The following RARB variants were observed in gnomAD, a reference collection of about 807,000 sequenced individuals.
RARB encodes HBV-activated protein.
A neutral mutation model predicts 51.9 loss-of-function variants in RARB; 17 were observed. That is an observed-to-expected ratio of 0.33 (90% CI 0.22 to 0.49). The LOEUF is 0.49. RARB is among the 20% of genes least tolerant of loss of function. The pLI is 0.99. For synonymous variants in RARB, 215 were observed against 195.4 expected (o/e 1.10, Z -0.84); for missense variants, 369 against 550.8 (o/e 0.67, Z 3.30).
intron 1 of RARB, among the ~76,000 whole-genome samples, chr3:24,839,340 T>TAA (rs1702386829): frequency 6.6e-6 from 1 of 152,076 alleles, no homozygotes; most frequent in Non-Finnish European, 1.5e-5. Flanking sequence ...TTATACTTTT[T>TAA]AGGTTTGGGT....
intron 5 of RARB, among the ~76,000 whole-genome samples, chr3:25,314,144 T>A (rs1215515611): frequency 6.6e-6 from 1 of 152,076 alleles, no homozygotes; most frequent in Non-Finnish European, 1.5e-5. Flanking sequence ...CTCCAAATTT[T>A]AAAAATCAAG....
At chr3:25,002,213 G>A (rs1697175829) in intron 2 of RARB, among the ~76,000 whole-genome samples, 1 of 152,158 alleles carries the variant, frequency 6.6e-6, no homozygotes, top group Admixed American at 6.5e-5. Context: ...AACAGCATGT[G>A]GTAAGGTGTG....
chr3:25,548,101 C>CTTTTTTTTTTTTTTTTTTTTTTTTTTTTT, intron 3 of RARB, among the ~76,000 whole-genome samples: 1 of 126,302 alleles, frequency 7.9e-6, no homozygotes, highest in Admixed American at 7.9e-5. Flanking sequence ...ATTCATTTGG[C>CTTTTTTTTTTTTTTTTTTTTTTTTTTTTT]TTTTTTTTTT....
chr3:24,884,498 TC>T (rs1361917210), intron 2 of RARB, among the ~76,000 whole-genome samples: 1 of 152,142 alleles, frequency 6.6e-6, no homozygotes, highest in Non-Finnish European at 1.5e-5. Context: ...CAGATTTTTT[TC>T]CCCAAGGATT....
chr3:25,136,278 C>T (rs1423920009), intron 4 of RARB, among the ~76,000 whole-genome samples: 2 of 151,952 alleles, frequency 1.3e-5, no homozygotes, highest in Non-Finnish European at 2.9e-5. Flanking sequence ...GTGATTAATA[C>T]TTATAAAAAG....
At chr3:25,076,461 C>T (rs565887058) in intron 3 of RARB, among the ~76,000 whole-genome samples, 2 of 152,272 alleles carry the variant, frequency 1.3e-5, no homozygotes, top group East Asian at 1.9e-4. Context: ...ATGGCAGTTA[C>T]TAGAAATCTG....
intron 2 of RARB, among the ~76,000 whole-genome samples, chr3:24,935,271 T>C (rs1299202709): frequency 6.6e-6 from 1 of 152,054 alleles, no homozygotes; most frequent in Non-Finnish European, 1.5e-5. Flanking sequence ...TATTAATATA[T>C]CCCACTGAGC....
At chr3:24,941,058 T>A (rs1447317829) in intron 2 of RARB, among the ~76,000 whole-genome samples, 1 of 152,074 alleles carries the variant, frequency 6.6e-6, no homozygotes, top group Non-Finnish European at 1.5e-5. Flanking sequence ...ACTATTAACT[T>A]GTAGGGGGAA....
At chr3:25,184,971 A>G (rs1462813672) in intron 5 of RARB, among the ~76,000 whole-genome samples, 2 of 152,226 alleles carry the variant, frequency 1.3e-5, no homozygotes, top group African/African-American at 4.8e-5. Flanking sequence ...TGCGGCCACA[A>G]TTCATCCACT....
intron 2 of RARB, among the ~76,000 whole-genome samples, chr3:24,915,387 T>A (rs1575069748): frequency 6.6e-6 from 1 of 152,342 alleles, no homozygotes. Context: ...AATTTTTGTA[T>A]TACATCTTTA....
At chr3:24,891,828 T>G (rs1050005390) in intron 2 of RARB, among the ~76,000 whole-genome samples, 11 of 152,008 alleles carry the variant, frequency 7.2e-5, no homozygotes, top group Non-Finnish European at 1.5e-4. Flanking sequence ...TTGTTTACAT[T>G]AAAGGACCTG....
intron 5 of RARB, among the ~76,000 whole-genome samples, chr3:25,180,439 C>A (rs1296048473): frequency 2.6e-5 from 4 of 152,114 alleles, no homozygotes; most frequent in African/African-American, 4.8e-5. Flanking sequence ...TGAGACTTTC[C>A]ATATCTCATG....
At chr3:24,864,646 G>C (rs1173553878) in intron 2 of RARB, among the ~76,000 whole-genome samples, 1 of 152,108 alleles carries the variant, frequency 6.6e-6, no homozygotes, top group Non-Finnish European at 1.5e-5. Flanking sequence ...GACTATGGCT[G>C]GTAGGCCCAA....
chr3:25,033,626 G>A (rs1697920865), intron 2 of RARB, among the ~76,000 whole-genome samples: 1 of 152,112 alleles, frequency 6.6e-6, no homozygotes, highest in Admixed American at 6.5e-5. Flanking sequence ...CCCCCTGGAG[G>A]ACAGCAAGGT....
intron 1 of RARB, among the ~76,000 whole-genome samples, chr3:24,837,756 T>C (rs1575029846): frequency 6.6e-6 from 1 of 152,196 alleles, no homozygotes; most frequent in Non-Finnish European, 1.5e-5. Flanking sequence ...AAATGATTAA[T>C]GACAAAGTCA....
intron 3 of RARB, among the ~76,000 whole-genome samples, chr3:25,528,161 G>A (rs1249957845): frequency 6.6e-6 from 1 of 152,224 alleles, no homozygotes; most frequent in African/African-American, 2.4e-5. Flanking sequence ...AGCCTCGAGT[G>A]TTTGGAGAAA....
At chr3:25,448,584 C>T (rs1179964337) in intron 1 of RARB, among the ~76,000 whole-genome samples, 1 of 152,150 alleles carries the variant, frequency 6.6e-6, no homozygotes, top group African/African-American at 2.4e-5. Flanking sequence ...TCTCCTGCCT[C>T]AGCCTCCCGA....
intron 4 of RARB, among the ~76,000 whole-genome samples, chr3:25,143,381 A>C (rs1057340617): frequency 4.6e-5 from 7 of 151,984 alleles, no homozygotes; most frequent in Non-Finnish European, 1.0e-4. Flanking sequence ...TTCCCAAAAA[A>C]CCCCTCTAGT....
intron 2 of RARB, among the ~76,000 whole-genome samples, chr3:25,032,881 T>A (rs981422151): frequency 6.6e-6 from 1 of 152,192 alleles, no homozygotes; most frequent in African/African-American, 2.4e-5. Flanking sequence ...TATAAAAAAA[T>A]AGTTCAATTG....
Sources: gnomAD v4.1 joint callset for allele counts (sites outside exome capture counted in the v4.1 genomes callset) on GRCh38, gnomAD v4.1.1 for gene constraint, MANE v1.5 for transcripts, NCBI Gene and HGNC (gene_info 2026-07-23, HGNC 2026-07-21) for gene names.